The following GMDS variants were observed in gnomAD, a reference collection of about 807,000 sequenced individuals.
GMDS encodes the protein GDP-mannose 4,6 dehydratase.
A neutral mutation model predicts 49.9 loss-of-function variants in GMDS; 20 were observed. That is an observed-to-expected ratio of 0.40 (90% confidence interval 0.28 to 0.58). The LOEUF (loss-of-function observed/expected upper bound fraction) is 0.58. Among genes scored for constraint, GMDS ranks in the 20% least tolerant of loss-of-function variants. The pLI, the probability that GMDS is intolerant of heterozygous loss-of-function variation, is 0.42. For missense variants in GMDS, 362 were observed against 481.4 expected, an observed-to-expected ratio of 0.75 and a Z score of 2.32; for synonymous variants, 177 against 178.6, an observed-to-expected ratio of 0.99 and a Z score of 0.07.
chr6:1,787,933 T>C (rs1022523926), intron 7 of GMDS, among the ~76,000 whole-genome samples: 3 of 151,962 alleles, frequency 2.0e-5, no homozygotes, highest in Non-Finnish European at 4.4e-5. Flanking sequence ...GTGCGGCTAG[T>C]GGGAGGTGGC....
intron 4 of GMDS, among the ~76,000 whole-genome samples, chr6:2,023,797 A>G (rs1003821355): frequency 8.5e-5 from 13 of 152,210 alleles, no homozygotes; most frequent in South Asian, 2.1e-4. Context: ...CTGCACAAAA[A>G]CCAAAAAGTT....
At chr6:2,197,592 C>T (rs551283231) in intron 1 of GMDS, among the ~76,000 whole-genome samples, 1 of 152,330 alleles carries the variant, frequency 6.6e-6, no homozygotes, top group South Asian at 2.1e-4. Context: ...GAGCACTGCA[C>T]TAGAGAAGCT....
At chr6:1,762,565 T>A (rs1768201872) in intron 7 of GMDS, among the ~76,000 whole-genome samples, 2 of 152,246 alleles carry the variant, frequency 1.3e-5, no homozygotes. Context: ...GGGCTTATGA[T>A]GAAACTCTTG....
intron 7 of GMDS, among the ~76,000 whole-genome samples, chr6:1,866,222 G>A (rs1196986875): frequency 6.6e-6 from 1 of 152,184 alleles, no homozygotes; most frequent in African/African-American, 2.4e-5. Flanking sequence ...AGTAATTAAA[G>A]ATTAATGCTT....
In GMDS at chr6:1,833,001, T is replaced by A. The variant is rs953895480; in HGVS notation, c.772-90415A>T. Reference sequence around the variant, plus strand: ...GTCTTCGGCTACTGAAGATCATTAGTAGCACTGAGTGCAACCACTGTCAGT... The same window carrying A: ...GTCTTCGGCTACTGAAGATCATTAGAAGCACTGAGTGCAACCACTGTCAGT... On this transcript the variant is annotated intron_variant, in intron 7 of 10. Transcript: ENST00000380815. The surrounding 1 kb of genome is among the most constrained non-coding windows in gnomAD (Gnocchi z 4.4). Among the ~76,000 whole-genome samples the A allele has an allele frequency of 3.3e-5, 5 of 152,066 alleles. No homozygotes were observed. Among genetic ancestry groups the A allele is most frequent in the African/African-American group, 1.2e-4 (5 of 41,406 alleles).
intron 7 of GMDS, among the ~76,000 whole-genome samples, chr6:1,794,206 C>A (rs1344303299): frequency 1.3e-5 from 2 of 152,122 alleles, no homozygotes; most frequent in Non-Finnish European, 2.9e-5. Flanking sequence ...TATGATAAAC[C>A]CATGAAGATT....
At chr6:1,969,783 G>A (rs1048305718) in intron 4 of GMDS, among the ~76,000 whole-genome samples, 1 of 152,012 alleles carries the variant, frequency 6.6e-6, no homozygotes, top group African/African-American at 2.4e-5. Context: ...CTCCCCTGGC[G>A]TGCTTCACCT....
intron 7 of GMDS, among the ~76,000 whole-genome samples, chr6:1,904,498 G>A (rs1760657736): frequency 2.6e-5 from 4 of 152,178 alleles, no homozygotes; most frequent in Admixed American, 2.6e-4. Context: ...GTCAAAAGAA[G>A]GCAAAGTTAC....
intron 9 of GMDS, among the ~76,000 whole-genome samples, chr6:1,702,036 G>A (rs1169347138): frequency 2.6e-5 from 4 of 152,214 alleles, no homozygotes; most frequent in Non-Finnish European, 4.4e-5. Context: ...AATGACGCAC[G>A]CCTCTCTTGG....
chr6:2,202,327 A>G (rs1416540162), intron 1 of GMDS, among the ~76,000 whole-genome samples: 20 of 124,966 alleles, frequency 1.6e-4, no homozygotes, highest in South Asian at 2.8e-4. Flanking sequence ...TGAAGACAGA[A>G]CACCACATGC....
chr6:1,658,712 T>C (rs931160100), intron 9 of GMDS, among the ~76,000 whole-genome samples: 12 of 152,274 alleles, frequency 7.9e-5, no homozygotes, highest in African/African-American at 2.9e-4. Flanking sequence ...ATATTTAAGT[T>C]GCTTGAGACT....
chr6:1,939,551 A>C (rs1762712798), intron 6 of GMDS, among the ~76,000 whole-genome samples: 1 of 147,384 alleles, frequency 6.8e-6, no homozygotes, highest in Non-Finnish European at 1.5e-5. Context: ...ATATACATAT[A>C]TATACATATA....
At chr6:1,919,027 G>A (rs1379254692) in intron 7 of GMDS, among the ~76,000 whole-genome samples, 1 of 152,118 alleles carries the variant, frequency 6.6e-6, no homozygotes, top group East Asian at 1.9e-4. Context: ...TAAGAGAAAT[G>A]GAACACATTT....
chr6:1,918,589 GA>G (rs199732716), intron 7 of GMDS, among the ~76,000 whole-genome samples: 28 of 149,836 alleles, frequency 1.9e-4, no homozygotes, highest in Non-Finnish European at 1.2e-4. Flanking sequence ...CTACTAAAAA[GA>G]AAAAAAAATT....
intron 7 of GMDS, among the ~76,000 whole-genome samples, chr6:1,777,393 C>T (rs1266161284): frequency 6.6e-6 from 1 of 152,216 alleles, no homozygotes; most frequent in Admixed American, 6.5e-5. Context: ...GAAAACTAAT[C>T]TGCTTATATT....
At chr6:1,723,299 A>ATT (rs377588647) in intron 9 of GMDS, among the ~76,000 whole-genome samples, 104,599 of 133,626 alleles carry the variant, frequency 0.78, 39,625 homozygotes, top group East Asian at 0.91. Context: ...GATGTGTCCT[A>ATT]TTTTTTTTTT....
intron 1 of GMDS, among the ~76,000 whole-genome samples, chr6:2,204,327 T>C (rs1779688338): frequency 6.6e-6 from 1 of 152,210 alleles, no homozygotes; most frequent in South Asian, 2.1e-4. Context: ...TCTACTACTG[T>C]AATGCAACAA....
At chr6:2,202,108 T>G (rs996543142) in intron 1 of GMDS, among the ~76,000 whole-genome samples, 5 of 139,028 alleles carry the variant, frequency 3.6e-5, no homozygotes, top group Non-Finnish European at 6.2e-5. Context: ...ACATCCGAGA[T>G]GTAACCATCT....
chr6:1,939,040 C>G (rs1762687870), intron 6 of GMDS, among the ~76,000 whole-genome samples: 1 of 141,076 alleles, frequency 7.1e-6, no homozygotes, highest in African/African-American at 2.6e-5. Flanking sequence ...TTTGGCACAT[C>G]CAAAGTTCTC....
Sources: gnomAD v4.1 joint callset for allele counts (sites outside exome capture counted in the v4.1 genomes callset) on GRCh38, gnomAD v4.1.1 for gene constraint, Gnocchi (gnomAD v3.1) non-coding constraint, MANE v1.5 for transcripts, NCBI Gene and HGNC (gene_info 2026-07-23, HGNC 2026-07-21) for gene names.